Variants in ATP2B2 observed in about 807,000 individuals in gnomAD.
ATP2B2 encodes plasma membrane calcium-transporting ATPase 2.
ATP2B2 carries 15 observed loss-of-function variants against 120.0 expected under a neutral mutation model. That is an observed-to-expected ratio of 0.12 (90% CI 0.08 to 0.19). The LOEUF (loss-of-function observed/expected upper bound fraction) is 0.19. Among genes scored for constraint, ATP2B2 ranks in the 10% least tolerant of loss-of-function variants. The probability of loss-of-function intolerance (pLI) is 1.00; values close to 1 mark genes in which losing one functional copy is unlikely to be tolerated. For missense variants in ATP2B2, 1,045 were observed against 1,719.8 expected, an observed-to-expected ratio of 0.61 and a Z score of 6.94; for synonymous variants, 694 against 700.3, an observed-to-expected ratio of 0.99 and a Z score of 0.14.
chr3:10,556,597 C>T (rs149229098), intron 2 of ATP2B2, among the ~76,000 whole-genome samples: 1 of 152,122 alleles, frequency 6.6e-6, no homozygotes, highest in African/African-American at 2.4e-5. Context: ...GAAGAAGGCT[C>T]CTAAGGGAGG....
chr3:10,693,566 G>A (rs960706849), intron 1 of ATP2B2, among the ~76,000 whole-genome samples: 3 of 152,204 alleles, frequency 2.0e-5, no homozygotes, highest in Admixed American at 2.0e-4. Flanking sequence ...AAAACAAATG[G>A]CGTAACAAAC....
intron 2 of ATP2B2, among the ~76,000 whole-genome samples, chr3:10,555,156 C>A (rs887990171): frequency 6.6e-6 from 1 of 152,230 alleles, no homozygotes; most frequent in East Asian, 1.9e-4. Flanking sequence ...CCACATCAAA[C>A]GGCAAGGATA....
intron 1 of ATP2B2, among the ~76,000 whole-genome samples, chr3:10,452,442 A>T (rs761452900): frequency 3.3e-5 from 5 of 152,234 alleles, no homozygotes; most frequent in Non-Finnish European, 5.9e-5. Context: ...ATGAGGCACT[A>T]GGTCCGTGCA....
chr3:10,579,401 G>A (rs1321207847), intron 2 of ATP2B2, among the ~76,000 whole-genome samples: 3 of 152,186 alleles, frequency 2.0e-5, no homozygotes, highest in Admixed American at 6.5e-5. Context: ...GGCCCAGTGC[G>A]GTGGCTCACG....
intron 1 of ATP2B2, among the ~76,000 whole-genome samples, chr3:10,681,050 A>G (rs1048801442): frequency 3.9e-5 from 6 of 152,270 alleles, no homozygotes; most frequent in African/African-American, 1.4e-4. Flanking sequence ...TGCTTTCACC[A>G]TGTGATATGC....
At chr3:10,430,622 A>G (rs73018743) in intron 2 of ATP2B2, among the ~76,000 whole-genome samples, 7,058 of 151,938 alleles carry the variant, frequency 0.046, 183 homozygotes, top group Middle Eastern at 0.071. Flanking sequence ...ATCTTTGGGT[A>G]TCCTAACATT....
chr3:10,514,896 G>A (rs1001889997), intron 3 of ATP2B2, among the ~76,000 whole-genome samples: 1 of 152,344 alleles, frequency 6.6e-6, no homozygotes, highest in South Asian at 2.1e-4. Context: ...GGTTGGAAGA[G>A]CACTAGATCA....
chr3:10,351,661 T>C (rs2060582061), intron 14 of ATP2B2, among the ~76,000 whole-genome samples: 1 of 152,220 alleles, frequency 6.6e-6, no homozygotes. Flanking sequence ...TATGTGACCT[T>C]GCTTAGAGAT....
chr3:10,342,634 A>G lies in ATP2B2; in HGVS notation c.2917+118T>C, dbSNP rs1218397782. ...ACTTACTTGACCTCCCTGGGCCTCA[A>G]TTTCCCCATTAGCAAAACAGGAGGG... On this transcript the variant is annotated intron_variant, in intron 19 of 22. Coordinates refer to ENST00000360273, the MANE Select transcript of ATP2B2 (RefSeq NM_001001331.4). The surrounding 1 kb of genome is among the most constrained non-coding windows in gnomAD (Gnocchi z 4.4). 3 of 1,288,248 alleles carry G rather than the reference A, an allele frequency of 2.3e-6. No homozygotes were observed. Among genetic ancestry groups the G allele is most frequent in the African/African-American group, 2.9e-5 (2 of 67,988 alleles). 79.8% of individuals were successfully genotyped at this position (1,288,248 alleles called of 1,614,324 possible).
At chr3:10,514,605 C>T (rs774338273) in intron 3 of ATP2B2, among the ~76,000 whole-genome samples, 18 of 152,192 alleles carry the variant, frequency 1.2e-4, no homozygotes, top group Non-Finnish European at 2.5e-4. Flanking sequence ...TCACCACCGG[C>T]CTTGAGCACA....
At position 10,346,524 on chromosome 3, in the gene ATP2B2, C is replaced by T. The variant is rs1207097695; in HGVS notation, c.2405-387G>A. On this transcript the variant is annotated intron_variant, in intron 16 of 22. Coordinates refer to ENST00000360273, the MANE Select transcript of ATP2B2 (RefSeq NM_001001331.4). The surrounding 1 kb of genome is among the most constrained non-coding windows in gnomAD (Gnocchi z 4.1). ...TTCAGCAGGACCTCACCATCTGTTC[C>T]TCCCGACACCACTAGCCAGCACTTT... is the stretch of plus-strand genomic sequence containing the variant. Among the ~76,000 whole-genome samples, 1 of 152,232 alleles carries T rather than the reference C, an allele frequency of 6.6e-6. No homozygotes were observed. The highest frequency in any genetic ancestry group is 2.4e-5 in the African/African-American group (1 of 41,452).
chr3:10,423,667 C>T (rs2063061546), intron 2 of ATP2B2, among the ~76,000 whole-genome samples: 1 of 152,158 alleles, frequency 6.6e-6, no homozygotes, highest in Non-Finnish European at 1.5e-5. Flanking sequence ...AGACAAGAAG[C>T]ACTTCCCTGT....
intron 21 of ATP2B2, 101 bp from the exon 22 acceptor site, chr3:10,338,459 C>T (rs1171691023): frequency 7.8e-7 from 1 of 1,288,376 alleles, no homozygotes; most frequent in Non-Finnish European, 1.1e-6. Context: ...ACCCGCTCAC[C>T]CAGGCATGTG....
chr3:10,571,040 A>G (rs1007082640), intron 2 of ATP2B2, among the ~76,000 whole-genome samples: 1 of 152,236 alleles, frequency 6.6e-6, no homozygotes, highest in Non-Finnish European at 1.5e-5. Context: ...CCACAAACGA[A>G]AAGAGACAAA....
At chr3:10,355,734 G>C (rs1054279461) in intron 14 of ATP2B2, among the ~76,000 whole-genome samples, 1 of 152,220 alleles carries the variant, frequency 6.6e-6, no homozygotes, top group Non-Finnish European at 1.5e-5. Flanking sequence ...GGCATGGGGA[G>C]CTCTCATCCT....
At chr3:10,452,916 C>A (rs900076171) in intron 1 of ATP2B2, among the ~76,000 whole-genome samples, 1 of 152,204 alleles carries the variant, frequency 6.6e-6, no homozygotes, top group Non-Finnish European at 1.5e-5. Flanking sequence ...ACATTTACCA[C>A]CCACACCTGC....
chr3:10,562,774 AACAACCT>A (rs2067931445), intron 2 of ATP2B2, among the ~76,000 whole-genome samples: 1 of 152,232 alleles, frequency 6.6e-6, no homozygotes, highest in Admixed American at 6.5e-5. Context: ...AAAAATTGTA[AACAACCT>A]AAATGCCCAT....
intron 1 of ATP2B2, among the ~76,000 whole-genome samples, chr3:10,697,457 A>T (rs966846360): frequency 2.6e-5 from 4 of 152,238 alleles, no homozygotes; most frequent in African/African-American, 9.6e-5. Context: ...AGATAAAATA[A>T]GTATAAGGAC....
chr3:10,642,000 C>G, intron 1 of ATP2B2, among the ~76,000 whole-genome samples: 1 of 11,514 alleles, frequency 8.7e-5, no homozygotes, highest in Non-Finnish European at 1.5e-4. Flanking sequence ...ACCCATCCAC[C>G]CATCCACCCA....
Sources: allele counts gnomAD v4.1 joint callset (sites outside exome capture counted in the v4.1 genomes callset), GRCh38; gene constraint gnomAD v4.1.1; non-coding constraint Gnocchi (gnomAD v3.1); transcripts MANE v1.5; gene names NCBI Gene and HGNC (gene_info 2026-07-23, HGNC 2026-07-21).